The following PTPRD variants were observed in gnomAD, a reference collection of about 807,000 sequenced individuals.
PTPRD encodes the protein protein tyrosine phosphatase receptor type D.
A neutral mutation model predicts 214.5 loss-of-function variants in PTPRD; 34 were observed. That is an observed-to-expected ratio of 0.16 (90% confidence interval 0.12 to 0.21). PTPRD has a LOEUF of 0.21. PTPRD is among the 10% of genes least tolerant of loss of function. The pLI is 1.00. For synonymous variants in PTPRD, 1,128 were observed against 845.7 expected (o/e 1.33, Z -5.79); for missense variants, 2,545 against 2,398.7 (o/e 1.06, Z -1.27).
At chr9:8,424,808 G>A (rs1233525868) in intron 35 of PTPRD, among the ~76,000 whole-genome samples, 1 of 151,932 alleles carries the variant, frequency 6.6e-6, no homozygotes, top group Non-Finnish European at 1.5e-5. Flanking sequence ...AAGTTTAGAG[G>A]ACTGATGAGT....
At chr9:10,121,256 T>C (rs1053565714) in intron 3 of PTPRD, among the ~76,000 whole-genome samples, 1 of 152,146 alleles carries the variant, frequency 6.6e-6, no homozygotes, top group Non-Finnish European at 1.5e-5. Flanking sequence ...AGCCATGTAA[T>C]TGGAGGGAAA....
intron 2 of PTPRD, among the ~76,000 whole-genome samples, chr9:10,552,385 C>A (rs2061538317): frequency 1.3e-5 from 2 of 152,258 alleles, no homozygotes; most frequent in South Asian, 4.1e-4. Context: ...TTTGCAATCA[C>A]AGAGAATTTC....
At chr9:8,787,146 A>AT (rs1254929978) in intron 11 of PTPRD, among the ~76,000 whole-genome samples, 1 of 152,120 alleles carries the variant, frequency 6.6e-6, no homozygotes, top group African/African-American at 2.4e-5. Context: ...TGAGAAAACT[A>AT]TATTAAACAG....
intron 7 of PTPRD, among the ~76,000 whole-genome samples, chr9:9,674,621 A>G (rs1034524945): frequency 2.6e-5 from 4 of 151,812 alleles, no homozygotes; most frequent in African/African-American, 4.8e-5. Flanking sequence ...CAAAAAATAA[A>G]CAAGCCAAAT....
chr9:10,484,648 G>A (rs2099121011), intron 2 of PTPRD, among the ~76,000 whole-genome samples: 1 of 151,962 alleles, frequency 6.6e-6, no homozygotes, highest in Non-Finnish European at 1.5e-5. Flanking sequence ...ATGATTTGGA[G>A]CACCTTTTCA....
chr9:8,876,203 CCTAT>C lies in PTPRD; in HGVS notation c.-103-142261_-103-142258del, dbSNP rs201263443. Among the ~76,000 whole-genome samples the C allele has an allele frequency of 3.6e-4, 54 of 148,094 alleles. No homozygotes were observed. In the East Asian group the frequency reaches 0.011, roughly 29 times the overall value. On this transcript the variant is annotated intron_variant, in intron 11 of 45. Coordinates refer to ENST00000381196, the MANE Select transcript of PTPRD (RefSeq NM_002839.4). ...ACCAGGTTAATCCAAACCAAGAGAG[CCTAT>C]CTGAGTATGTGTGTGTGTGTTGTTG...
At chr9:10,484,324 C>G (rs1054952853) in intron 2 of PTPRD, among the ~76,000 whole-genome samples, 1 of 152,024 alleles carries the variant, frequency 6.6e-6, no homozygotes, top group Admixed American at 6.6e-5. Flanking sequence ...AGTTGTACCC[C>G]TACCTATTGT....
intron 11 of PTPRD, among the ~76,000 whole-genome samples, chr9:8,795,867 T>C (rs930974583): frequency 6.6e-6 from 1 of 152,014 alleles, no homozygotes; most frequent in African/African-American, 2.4e-5. Context: ...TTTTGAAAAA[T>C]AAGCTCAAAC....
At chr9:8,857,152 C>T (rs890119992) in intron 11 of PTPRD, among the ~76,000 whole-genome samples, 19 of 152,246 alleles carry the variant, frequency 1.2e-4, no homozygotes, top group Non-Finnish European at 1.8e-4. Flanking sequence ...GACTTTGATT[C>T]CTGCTATTTC....
At chr9:9,336,073 G>T (rs972450264) in intron 9 of PTPRD, among the ~76,000 whole-genome samples, 1 of 152,012 alleles carries the variant, frequency 6.6e-6, no homozygotes, top group Non-Finnish European at 1.5e-5. Flanking sequence ...TCCATCACAG[G>T]TTAAAGATAC....
chr9:9,161,586 A>C (rs1269540330), intron 10 of PTPRD, among the ~76,000 whole-genome samples: 1 of 152,154 alleles, frequency 6.6e-6, no homozygotes, highest in Non-Finnish European at 1.5e-5. Context: ...GAAAACTACA[A>C]AATAAAATAC....
At chr9:9,940,113 G>A (rs768691514) in intron 4 of PTPRD, among the ~76,000 whole-genome samples, 67 of 152,288 alleles carry the variant, frequency 4.4e-4, no homozygotes, top group South Asian at 4.1e-4. Flanking sequence ...AAGGTATGAT[G>A]GAGTTGATAC....
intron 35 of PTPRD, among the ~76,000 whole-genome samples, chr9:8,430,268 A>AT (rs146333426): frequency 0.036 from 5,327 of 147,454 alleles, 113 homozygotes; most frequent in East Asian, 0.12. Context: ...AATTTTTTTT[A>AT]TTTTTTTTTT....
intron 11 of PTPRD, among the ~76,000 whole-genome samples, chr9:8,751,341 T>C (rs1273065200): frequency 1.3e-5 from 2 of 152,034 alleles, no homozygotes; most frequent in Non-Finnish European, 2.9e-5. Context: ...CGGTCAGCAT[T>C]ACGGATCTCT....
At chr9:8,493,018 G>T in intron 26 of PTPRD, 39 bp from the exon 27 acceptor site, 2 of 1,510,026 alleles carry the variant, frequency 1.3e-6, no homozygotes, top group Non-Finnish European at 1.8e-6. Flanking sequence ...TTCAAAACAT[G>T]CTACTAATGC....
intron 3 of PTPRD, among the ~76,000 whole-genome samples, chr9:10,177,752 T>C (rs2099258035): frequency 6.6e-6 from 1 of 151,966 alleles, no homozygotes; most frequent in Non-Finnish European, 1.5e-5. Context: ...CATTATTCTT[T>C]CTTCTCTTAG....
chr9:10,318,123 T>C (rs1477027081), intron 3 of PTPRD, among the ~76,000 whole-genome samples: 2 of 152,080 alleles, frequency 1.3e-5, no homozygotes, highest in African/African-American at 4.8e-5. Flanking sequence ...TATCTACTTA[T>C]AAGTCATGAC....
At chr9:9,489,069 T>A (rs1188725562) in intron 8 of PTPRD, among the ~76,000 whole-genome samples, 1 of 152,188 alleles carries the variant, frequency 6.6e-6, no homozygotes. Flanking sequence ...GCACTCTTTT[T>A]ACTCCATTTT....
chr9:10,323,026 T>C (rs2096579271), intron 3 of PTPRD, among the ~76,000 whole-genome samples: 1 of 152,054 alleles, frequency 6.6e-6, no homozygotes, highest in African/African-American at 2.4e-5. Flanking sequence ...TAATTTTACC[T>C]AACAAGCTAT....
Sources: allele counts gnomAD v4.1 joint callset (sites outside exome capture counted in the v4.1 genomes callset), GRCh38; gene constraint gnomAD v4.1.1; transcripts MANE v1.5; gene names NCBI Gene and HGNC (gene_info 2026-07-23, HGNC 2026-07-21).